Variants in ATAD2B observed in about 807,000 individuals in gnomAD.
The protein encoded by ATAD2B is ATPase family AAA domain containing 2B.
ATAD2B carries 40 observed loss-of-function variants against 167.6 expected under a neutral mutation model. That is an observed-to-expected ratio of 0.24 (90% CI 0.19 to 0.31). The LOEUF is 0.31. ATAD2B is among the 10% of genes least tolerant of loss of function. The probability of loss-of-function intolerance (pLI) is 1.00; values close to 1 mark genes in which losing one functional copy is unlikely to be tolerated. For missense variants in ATAD2B, 1,242 were observed against 1,757.2 expected (o/e 0.71, Z 5.24); for synonymous variants, 579 against 596.5 (o/e 0.97, Z 0.43).
At chr2:23,850,402 C>G (rs1692386399) in intron 13 of ATAD2B, among the ~76,000 whole-genome samples, 1 of 152,106 alleles carries the variant, frequency 6.6e-6, no homozygotes, top group Non-Finnish European at 1.5e-5. Flanking sequence ...GGGAAATTTA[C>G]AGGTGTCAAT....
At chr2:23,733,858 C>G in the ATAD2B span, among the ~76,000 whole-genome samples, 4 of 152,180 alleles carry the variant, frequency 2.6e-5, no homozygotes, top group Admixed American at 1.3e-4. Context: ...GGAACAATAT[C>G]TAAAGTCTTT....
At chr2:23,738,919 A>G in the ATAD2B span, among the ~76,000 whole-genome samples, 1 of 152,210 alleles carries the variant, frequency 6.6e-6, no homozygotes. Context: ...GATAAAACAG[A>G]CTTTAAACCA....
chr2:23,828,322 C>CT (rs1197486735), intron 15 of ATAD2B, among the ~76,000 whole-genome samples: 3 of 152,140 alleles, frequency 2.0e-5, no homozygotes, highest in Non-Finnish European at 4.4e-5. Flanking sequence ...ATCTTCCACT[C>CT]TGTGAAAAAT....
chr2:23,798,419 T>C (rs1194730680), intron 18 of ATAD2B, 96 bp from the exon 19 acceptor site: 2 of 942,634 alleles, frequency 2.1e-6, no homozygotes, highest in Non-Finnish European at 1.5e-6. Flanking sequence ...TCAGGCCTAT[T>C]ATGGTCATTA....
intron 22 of ATAD2B, among the ~76,000 whole-genome samples, chr2:23,775,971 C>T (rs760899728): frequency 6.9e-4 from 105 of 152,234 alleles, no homozygotes; most frequent in Middle Eastern, 6.8e-3. Context: ...CAAAAATTAG[C>T]TGGGTGTGAT....
At chr2:23,754,421 A>G in intron 26 of ATAD2B, 114 bp from the exon 27 acceptor site, 2 of 1,232,628 alleles carry the variant, frequency 1.6e-6, no homozygotes, top group Non-Finnish European at 2.2e-6. Flanking sequence ...AACAGTGAAC[A>G]TGAAATTAAA....
intron 16 of ATAD2B, among the ~76,000 whole-genome samples, chr2:23,820,563 C>G (rs1687286707): frequency 6.6e-6 from 1 of 152,146 alleles, no homozygotes; most frequent in South Asian, 2.1e-4. Context: ...CTAATTAAAA[C>G]TGACAATTCA....
At chr2:23,796,761 C>T (rs775212627) in intron 19 of ATAD2B, among the ~76,000 whole-genome samples, 3 of 152,150 alleles carry the variant, frequency 2.0e-5, no homozygotes, top group Non-Finnish European at 2.9e-5. Flanking sequence ...TAATACCAAA[C>T]ATTTAATAGC....
Position 23,864,841 on chromosome 2 carries a change from T to G in ATAD2B, c.1272A>C (p.Glu424Asp). Residue 424 changes from glutamate (E) to aspartate (D), a missense_variant, in exon 11 of 28, where the codon GAA becomes GAC. Glu to Asp is a conservative substitution (Grantham distance 45, BLOSUM62 2). Transcript: ENST00000238789. ...EMVVFPLLYP[E>D]IFEKFKIQPP... ...GCTGAATTTTAAACTTTTCAAAAATTTCTGGATATAAAAGTGGGAATACTA... is the reference window on the plus strand; with the variant it reads ...GCTGAATTTTAAACTTTTCAAAAATGTCTGGATATAAAAGTGGGAATACTA... 6.3e-7 allele frequency: 1 copy of G among 1,591,282 alleles called. No homozygotes were observed. The highest frequency in any genetic ancestry group is 1.3e-5 in the African/African-American group (1 of 74,474).
chr2:23,743,971 T>C (rs1287365013), downstream of ATAD2B, among the ~76,000 whole-genome samples: 2 of 152,112 alleles, frequency 1.3e-5, no homozygotes, highest in Non-Finnish European at 2.9e-5. Flanking sequence ...AAGACTATTA[T>C]TAACAAAAAG....
intron 22 of ATAD2B, among the ~76,000 whole-genome samples, chr2:23,771,399 C>T (rs958948187): frequency 6.6e-6 from 1 of 152,202 alleles, no homozygotes; most frequent in Non-Finnish European, 1.5e-5. Flanking sequence ...AGTACTTACT[C>T]TTTCATCACT....
intron 15 of ATAD2B, 57 bp downstream of exon 15, chr2:23,828,792 A>G (rs1688612978): frequency 2.8e-6 from 3 of 1,078,736 alleles, no homozygotes; most frequent in Non-Finnish European, 4.2e-6. Context: ...ATAAGGGGAA[A>G]GGGAGGTTGA....
At chr2:23,692,356 C>T in the ATAD2B span, among the ~76,000 whole-genome samples, 3 of 152,250 alleles carry the variant, frequency 2.0e-5, no homozygotes, top group African/African-American at 7.2e-5. Context: ...AGGATGGGGA[C>T]TGAGTGTCAG....
intron 15 of ATAD2B, among the ~76,000 whole-genome samples, chr2:23,825,740 T>C (rs548160581): frequency 7.0e-4 from 106 of 152,062 alleles, no homozygotes; most frequent in Admixed American, 1.8e-3. Flanking sequence ...TATTATATGG[T>C]CCTATTTTAA....
intron 20 of ATAD2B, among the ~76,000 whole-genome samples, chr2:23,787,794 G>A: frequency 6.6e-6 from 1 of 152,004 alleles, no homozygotes; most frequent in East Asian, 1.9e-4. Flanking sequence ...CCTAGAAGAG[G>A]CTGAAAGATT....
chr2:23,888,072 G>T, intron 3 of ATAD2B, 87 bp from the exon 4 acceptor site: 2 of 1,154,668 alleles, frequency 1.7e-6, no homozygotes, highest in Non-Finnish European at 1.1e-6. Flanking sequence ...ACTTTTAAAA[G>T]ACTACAAAAA....
intron 12 of ATAD2B, among the ~76,000 whole-genome samples, chr2:23,860,872 A>ATG (rs1401793241): frequency 6.6e-6 from 1 of 152,102 alleles, no homozygotes; most frequent in Admixed American, 6.6e-5. Flanking sequence ...TTGGGAGACT[A>ATG]AGGCAGGAGA....
chr2:23,705,982 C>A, the ATAD2B span, among the ~76,000 whole-genome samples: 1 of 152,208 alleles, frequency 6.6e-6, no homozygotes, highest in Non-Finnish European at 1.5e-5. Flanking sequence ...CCCTTGCAAT[C>A]CTGGGTGGGC....
At chr2:23,800,759 TAA>T (rs146854971) in intron 18 of ATAD2B, among the ~76,000 whole-genome samples, 2 of 149,930 alleles carry the variant, frequency 1.3e-5, no homozygotes, top group African/African-American at 2.4e-5. Flanking sequence ...GTGATCCAAT[TAA>T]AAAAAAAATC....
Sources: allele counts gnomAD v4.1 joint callset (sites outside exome capture counted in the v4.1 genomes callset), GRCh38; gene constraint gnomAD v4.1.1; transcripts MANE v1.5; gene names NCBI Gene and HGNC (gene_info 2026-07-23, HGNC 2026-07-21).